PTPRS: variants seen among roughly 807,000 people sequenced by gnomAD.
PTPRS encodes the protein protein tyrosine phosphatase receptor type S.
In PTPRS, 63 loss-of-function variants were observed where a neutral mutation model predicts 215.3. The observed-to-expected ratio is 0.29, with a 90% CI of 0.24 to 0.36. The LOEUF (loss-of-function observed/expected upper bound fraction) is 0.36. PTPRS is among the 10% of genes least tolerant of loss of function. The probability of loss-of-function intolerance (pLI) is 1.00; values close to 1 mark genes in which losing one functional copy is unlikely to be tolerated. For missense variants in PTPRS, 2,258 were observed against 2,825.8 expected, an observed-to-expected ratio of 0.80 and a Z score of 4.56; for synonymous variants, 1,404 against 1,191.4, an observed-to-expected ratio of 1.18 and a Z score of -3.68.
At chr19:5,333,186 A>G (rs928610824) in intron 1 of PTPRS, among the ~76,000 whole-genome samples, 20 of 150,280 alleles carry the variant, frequency 1.3e-4, no homozygotes, top group African/African-American at 4.9e-4. Flanking sequence ...AAAAATGCCA[A>G]TTCGCCAGGT....
chr19:5,243,445 G>A (rs1443139952), intron 11 of PTPRS, among the ~76,000 whole-genome samples: 1 of 151,930 alleles, frequency 6.6e-6, no homozygotes, highest in African/African-American at 2.4e-5. Flanking sequence ...CTAGCTCCCC[G>A]ATTTTAAATG....
intron 8 of PTPRS, among the ~76,000 whole-genome samples, chr19:5,256,999 G>A (rs2045604617): frequency 6.6e-6 from 1 of 151,872 alleles, no homozygotes; most frequent in South Asian, 2.1e-4. Context: ...GCTAACTGGG[G>A]CAGCCCTAGG....
Position 5,295,794 on chromosome 19 carries a change from G to A in PTPRS, c.-94-9560C>T, listed in dbSNP as rs2039785744. Among the ~76,000 whole-genome samples the A allele has an allele frequency of 6.6e-6, 1 of 152,162 alleles. No homozygotes were observed. The highest frequency in any genetic ancestry group is 2.1e-4 in the South Asian group (1 of 4,826). ...CTCGCTCTGTTGCTCAGGCTGGAGT[G>A]CAGTGGCACCATCATGGCTCACTCT... On this transcript the variant is annotated intron_variant, in intron 1 of 37. Coordinates refer to ENST00000262963, the MANE Select transcript of PTPRS (RefSeq NM_002850.4). The surrounding 1 kb of genome is among the most constrained non-coding windows in gnomAD (Gnocchi z 4.6).
intron 7 of PTPRS, among the ~76,000 whole-genome samples, chr19:5,259,702 G>A (rs139903652): frequency 3.3e-5 from 5 of 152,286 alleles, no homozygotes; most frequent in Admixed American, 3.3e-4. Flanking sequence ...CCCCAAATGT[G>A]TTTGAATCAC....
At chr19:5,313,835 A>G (rs955647994) in intron 1 of PTPRS, among the ~76,000 whole-genome samples, 3 of 151,858 alleles carry the variant, frequency 2.0e-5, no homozygotes, top group African/African-American at 7.3e-5. Flanking sequence ...AGTGGCTCAC[A>G]CCTGTAATCC....
At position 5,244,923 on chromosome 19, in the gene PTPRS, C is replaced by T. The variant is rs962293155; in HGVS notation, c.989-441G>A. ...GACCTCGTGATCCGCCCGCCTCGGC[C>T]TCCCGAAGTGCTGGGATTACAGGTG... On this transcript the variant is annotated intron_variant, in intron 10 of 37. Coordinates refer to ENST00000262963, the MANE Select transcript of PTPRS (RefSeq NM_002850.4). This position sits in a 1 kb window ranked among gnomAD's most constrained non-coding sequence, Gnocchi z 7.2. 1.8e-4 allele frequency among the ~76,000 whole-genome samples: 28 copies of T among 152,106 alleles called. No homozygotes were observed. Among genetic ancestry groups the T allele is most frequent in the African/African-American group, 6.5e-4 (27 of 41,398 alleles).
intron 1 of PTPRS, among the ~76,000 whole-genome samples, chr19:5,319,822 C>T (rs1431967338): frequency 1.3e-5 from 2 of 151,968 alleles, no homozygotes; most frequent in Admixed American, 1.3e-4. Context: ...TCAAACATCA[C>T]CTCCTCAATG....
chr19:5,221,595 C>A (rs2041982401), intron 19 of PTPRS, among the ~76,000 whole-genome samples: 1 of 152,042 alleles, frequency 6.6e-6, no homozygotes, highest in South Asian at 2.1e-4. Flanking sequence ...TCCTGAATTC[C>A]AGCTGAGCGC....
At position 5,239,473 on chromosome 19, in the gene PTPRS, A is replaced by AGAGAGAGATACAGAGACAGACAGAAACAG. The variant is rs1444908837; in HGVS notation, c.1705-439_1705-411dup. 1.1e-4 allele frequency among the ~76,000 whole-genome samples: 17 copies of AGAGAGAGATACAGAGACAGACAGAAACAG among 152,028 alleles called. 2 individuals are homozygous for AGAGAGAGATACAGAGACAGACAGAAACAG. Among genetic ancestry groups the AGAGAGAGATACAGAGACAGACAGAAACAG allele is most frequent in the Admixed American group, 4.6e-4 (7 of 15,274 alleles). On this transcript the variant is annotated intron_variant, in intron 12 of 37. Coordinates refer to ENST00000262963, the MANE Select transcript of PTPRS (RefSeq NM_002850.4). ...AGAGATAAATGGGAGAGACAGAGACAGAGAGAGATACAGAGACAGACAGAA... is the reference window on the plus strand; with the variant it reads ...AGAGATAAATGGGAGAGACAGAGACAGAGAGAGATACAGAGACAGACAGAAACAGGAGAGAGATACAGAGACAGACAGAA...
intron 9 of PTPRS, among the ~76,000 whole-genome samples, chr19:5,254,291 T>G (rs1290526789): frequency 6.6e-6 from 1 of 152,146 alleles, no homozygotes; most frequent in Non-Finnish European, 1.5e-5. Context: ...ATTGGTAAGT[T>G]TGGAGAAGGT....
chr19:5,263,257 A>G (rs1017001142), intron 5 of PTPRS, among the ~76,000 whole-genome samples: 1 of 152,076 alleles, frequency 6.6e-6, no homozygotes, highest in Non-Finnish European at 1.5e-5. Context: ...GAGGCCTATG[A>G]GCTGCAAACA....
chr19:5,249,467 T>G (rs138151055), intron 9 of PTPRS, among the ~76,000 whole-genome samples: 2,639 of 152,234 alleles, frequency 0.017, 41 homozygotes, highest in Admixed American at 0.026. Flanking sequence ...CTCAGAGAGG[T>G]GACAAGACTA....
rs118157664 is a variant in PTPRS, at chr19:5,268,232, G to A, written c.380-3036C>T. On this transcript the variant is annotated intron_variant, in intron 4 of 37. Transcript: ENST00000262963. Reference sequence around the variant, plus strand: ...TAAAGTTTTATTGGCACACAGCCACGCCCATTCGTTTCTCAGCTTTTCCAA... The same window carrying A: ...TAAAGTTTTATTGGCACACAGCCACACCCATTCGTTTCTCAGCTTTTCCAA... Among the ~76,000 whole-genome samples the A allele has an allele frequency of 5.3e-3, 800 of 152,092 alleles. 10 individuals carry two copies. The highest frequency in any genetic ancestry group is 0.01 in the South Asian group (49 of 4,812).
intron 2 of PTPRS, 120 bp from the exon 3 acceptor site, chr19:5,274,464 G>A: frequency 8.4e-7 from 1 of 1,196,612 alleles, no homozygotes; most frequent in Non-Finnish European, 1.1e-6. Flanking sequence ...TGTGGCCAAT[G>A]AAGAGAGGAG....
chr19:5,241,657 C>T (rs926979163), intron 11 of PTPRS, among the ~76,000 whole-genome samples: 4 of 151,944 alleles, frequency 2.6e-5, no homozygotes, highest in Admixed American at 6.6e-5. Context: ...CCAACCGTCC[C>T]GGCCCTTTGC....
At chr19:5,308,587 G>C (rs536733802) in intron 1 of PTPRS, among the ~76,000 whole-genome samples, 24 of 152,272 alleles carry the variant, frequency 1.6e-4, no homozygotes, top group African/African-American at 5.5e-4. Flanking sequence ...CAGTCACAGG[G>C]GCAGACTCCA....
intron 1 of PTPRS, among the ~76,000 whole-genome samples, chr19:5,300,810 T>C (rs1017759719): frequency 7.0e-6 from 1 of 143,168 alleles, no homozygotes; most frequent in Non-Finnish European, 1.5e-5. Flanking sequence ...GAAAAAGCGG[T>C]AAAATATATA....
At chr19:5,239,213 GCAGAGAGGGA>G in intron 12 of PTPRS, 150 bp from the exon 13 acceptor site, 1 of 626,080 alleles carries the variant, frequency 1.6e-6, no homozygotes, top group Non-Finnish European at 2.8e-6. Flanking sequence ...CAGGGGTGCG[GCAGAGAGGGA>G]CAGAGAGGGA....
At position 5,257,779 on chromosome 19, in the gene PTPRS, C is replaced by T. The variant is rs965326540; in HGVS notation, c.706+238G>A. Among the ~76,000 whole-genome samples the T allele has an allele frequency of 1.3e-5, 2 of 152,354 alleles. No homozygotes were observed. The highest frequency in any genetic ancestry group is 2.9e-5 in the Non-Finnish European group (2 of 68,032). On this transcript the variant is annotated intron_variant, in intron 8 of 37. Transcript: ENST00000262963. This position sits in a 1 kb window ranked among gnomAD's most constrained non-coding sequence, Gnocchi z 4.4. ...CACTGCCTCCCCAGAGCCTGCTGCC[C>T]ACGGGGCATCTCTCGCAAGGCACGA...
Sources: gnomAD v4.1 joint callset for allele counts (sites outside exome capture counted in the v4.1 genomes callset) on GRCh38, gnomAD v4.1.1 for gene constraint, Gnocchi (gnomAD v3.1) non-coding constraint, MANE v1.5 for transcripts, NCBI Gene and HGNC (gene_info 2026-07-23, HGNC 2026-07-21) for gene names.